Variants in ASCC3 observed in about 807,000 individuals in gnomAD.
ASCC3 encodes activating signal cointegrator 1 complex subunit 3, also known as ASC-1 complex subunit P200.
ASCC3 carries 158 observed loss-of-function variants against 256.3 expected under a neutral mutation model. The observed-to-expected ratio is 0.62, with a 90% CI of 0.54 to 0.70. The LOEUF is 0.70. Among genes scored for constraint, ASCC3 ranks in the 30% least tolerant of loss-of-function variants. ASCC3 has a pLI of 0.00. For missense variants in ASCC3, 2,259 were observed against 2,626.0 expected (o/e 0.86, Z 3.05); for synonymous variants, 948 against 883.4 (o/e 1.07, Z -1.30).
At chr6:100,784,682 T>G (rs1562294940) in intron 8 of ASCC3, among the ~76,000 whole-genome samples, 1 of 151,982 alleles carries the variant, frequency 6.6e-6, no homozygotes, top group Admixed American at 6.6e-5. Flanking sequence ...TATCAAAGAA[T>G]TCTGCTAAAG....
At chr6:100,737,164 G>A (rs1365756186) in intron 10 of ASCC3, among the ~76,000 whole-genome samples, 2 of 151,120 alleles carry the variant, frequency 1.3e-5, no homozygotes, top group African/African-American at 2.4e-5. Flanking sequence ...AAAAAAAGGC[G>A]GGGGAGGCAG....
At position 100,518,153 on chromosome 6, in the gene ASCC3, A is replaced by T; in HGVS notation, c.5776-11T>A. On this transcript the variant is annotated splice_polypyrimidine_tract_variant and intron_variant, in intron 37 of 41. Transcript: ENST00000369162. Reference sequence around the variant, plus strand: ...CACGTCCAGCATTGCCTGAACAGGGAAAATGCACATGTTACAAGAATTATA... The same window carrying T: ...CACGTCCAGCATTGCCTGAACAGGGTAAATGCACATGTTACAAGAATTATA... The T allele has an allele frequency of 6.2e-7, 1 of 1,613,170 alleles. No homozygotes were observed. The highest frequency in any genetic ancestry group is 8.5e-7 in the Non-Finnish European group (1 of 1,179,428).
chr6:100,529,560 T>A (rs533217004), intron 37 of ASCC3, among the ~76,000 whole-genome samples: 1 of 152,190 alleles, frequency 6.6e-6, no homozygotes, highest in South Asian at 2.1e-4. Flanking sequence ...AGGAGGTGAT[T>A]TAAGTATGCA....
chr6:100,637,221 T>C (rs1774885371), intron 25 of ASCC3, among the ~76,000 whole-genome samples: 1 of 152,154 alleles, frequency 6.6e-6, no homozygotes, highest in African/African-American at 2.4e-5. Flanking sequence ...CTGAAAACTC[T>C]AGGGTCCTTA....
At chr6:100,829,609 C>T (rs538854433) in intron 4 of ASCC3, among the ~76,000 whole-genome samples, 19 of 152,160 alleles carry the variant, frequency 1.2e-4, no homozygotes, top group Non-Finnish European at 2.5e-4. Flanking sequence ...GAGCCGGCTC[C>T]GGCCTTGGCC....
Position 100,802,128 on chromosome 6 carries a change from C to T in ASCC3, c.923-1624G>A, listed in dbSNP as rs963063011. Among the ~76,000 whole-genome samples the T allele has an allele frequency of 2.0e-5, 3 of 151,568 alleles. No individual in the cohort carries two copies. In the Admixed American group the frequency reaches 2.0e-4, roughly 10 times the overall value. On this transcript the variant is annotated intron_variant, in intron 5 of 41. Transcript: ENST00000369162. ...TAGAACATACTGGAATCCTGTAAGG[C>T]TGAGTATAACAGGCAATTTCAAAAA... is the stretch of plus-strand genomic sequence containing the variant.
intron 8 of ASCC3, among the ~76,000 whole-genome samples, chr6:100,788,679 A>G (rs879363916): frequency 2.0e-5 from 3 of 152,050 alleles, no homozygotes; most frequent in Admixed American, 2.0e-4. Flanking sequence ...AATGTATTAC[A>G]TTAAGTGACA....
intron 36 of ASCC3, among the ~76,000 whole-genome samples, chr6:100,583,337 T>G (rs1771426333): frequency 6.6e-6 from 1 of 152,194 alleles, no homozygotes; most frequent in Non-Finnish European, 1.5e-5. Context: ...GTCGAGGAAT[T>G]TATCCATTTC....
chr6:100,810,805 A>G (rs1185553668), intron 4 of ASCC3, among the ~76,000 whole-genome samples: 1 of 152,124 alleles, frequency 6.6e-6, no homozygotes, highest in Non-Finnish European at 1.5e-5. Context: ...CCCTCCTACA[A>G]CCTCAAAAAT....
chr6:100,539,897 A>C (rs1775359326), intron 37 of ASCC3, among the ~76,000 whole-genome samples: 1 of 152,114 alleles, frequency 6.6e-6, no homozygotes, highest in Non-Finnish European at 1.5e-5. Flanking sequence ...CTGTCTTGTT[A>C]ATTATTATAT....
intron 41 of ASCC3, 73 bp downstream of exon 41, chr6:100,509,859 G>C (rs1275203746): frequency 5.4e-6 from 8 of 1,479,158 alleles, no homozygotes; most frequent in Non-Finnish European, 6.5e-6. Context: ...CTGCACTCCA[G>C]CCTGGGCGAC....
chr6:100,531,040 T>C, intron 37 of ASCC3: 1 of 1,580,698 alleles, frequency 6.3e-7, no homozygotes, highest in South Asian at 1.1e-5. Context: ...GGACAAAAAG[T>C]ACAACAGTGT....
chr6:100,655,539 AG>A (rs1187252730), intron 17 of ASCC3, among the ~76,000 whole-genome samples, 159 bp downstream of exon 17: 12 of 151,824 alleles, frequency 7.9e-5, no homozygotes. Flanking sequence ...TAATAACTAC[AG>A]GGGCCTATCT....
intron 13 of ASCC3, among the ~76,000 whole-genome samples, chr6:100,690,222 T>C (rs964755266): frequency 2.0e-5 from 3 of 152,164 alleles, no homozygotes; most frequent in Admixed American, 6.6e-5. Flanking sequence ...AAATGCTTTG[T>C]AGATTGTTAT....
At chr6:100,813,169 G>C (rs888143533) in intron 4 of ASCC3, among the ~76,000 whole-genome samples, 3 of 152,004 alleles carry the variant, frequency 2.0e-5, no homozygotes, top group Non-Finnish European at 4.4e-5. Flanking sequence ...CAAATTCCAA[G>C]TATGGGCCAG....
chr6:100,860,362 T>G (rs1256966192), intron 3 of ASCC3, among the ~76,000 whole-genome samples: 2 of 151,954 alleles, frequency 1.3e-5, no homozygotes, highest in Admixed American at 1.3e-4. Context: ...ATTTTATTAT[T>G]AAAATAATCT....
intron 17 of ASCC3, among the ~76,000 whole-genome samples, chr6:100,653,338 T>C (rs1250457715): frequency 1.3e-5 from 2 of 151,992 alleles, no homozygotes; most frequent in Non-Finnish European, 2.9e-5. Context: ...CAAGATATAT[T>C]TAGAACTGCA....
intron 4 of ASCC3, among the ~76,000 whole-genome samples, chr6:100,818,787 C>G (rs1275439257): frequency 8.5e-6 from 1 of 117,078 alleles, no homozygotes; most frequent in Non-Finnish European, 1.8e-5. Context: ...TATAAGGCAT[C>G]TAGATTAAAA....
At chr6:100,693,228 T>G (rs576089630) in intron 13 of ASCC3, among the ~76,000 whole-genome samples, 3 of 152,224 alleles carry the variant, frequency 2.0e-5, no homozygotes, top group Admixed American at 2.0e-4. Context: ...GTTACAGGTA[T>G]TTATATAAAA....
Sources: allele counts gnomAD v4.1 joint callset (sites outside exome capture counted in the v4.1 genomes callset), GRCh38; gene constraint gnomAD v4.1.1; transcripts MANE v1.5; gene names NCBI Gene and HGNC (gene_info 2026-07-23, HGNC 2026-07-21).